ZNF708: variants seen among roughly 807,000 people sequenced by gnomAD.
The protein encoded by ZNF708 is ZNF15, ZNF15L1.
Under a neutral mutation model 47.0 loss-of-function variants are expected in ZNF708, and 44 were observed. The ratio of observed to expected loss-of-function variants is 0.94; its 90% CI spans 0.74 to 1.20. The LOEUF is 1.20. ZNF708 is among the 50% of genes most tolerant of loss of function. The probability of loss-of-function intolerance (pLI) is 0.00; values close to 1 mark genes in which losing one functional copy is unlikely to be tolerated. For synonymous variants in ZNF708, 184 were observed against 218.5 expected (o/e 0.84, Z 1.39); for missense variants, 557 against 656.0 (o/e 0.85, Z 1.65).
At chr19:21,327,678 G>A (rs1265235357) in intron 1 of ZNF708, among the ~76,000 whole-genome samples, 1 of 151,952 alleles carries the variant, frequency 6.6e-6, no homozygotes, top group African/African-American at 2.4e-5. Context: ...GTAAGTTCTT[G>A]CACCATCTCA....
intron 1 of ZNF708, among the ~76,000 whole-genome samples, chr19:21,322,749 G>C (rs1973178737): frequency 6.6e-6 from 1 of 152,114 alleles, no homozygotes; most frequent in Non-Finnish European, 1.5e-5. Flanking sequence ...TCAGGCCCCC[G>C]TATCTTTTTT....
At chr19:21,308,205 A>G (rs976596695) in intron 3 of ZNF708, among the ~76,000 whole-genome samples, 3 of 152,046 alleles carry the variant, frequency 2.0e-5, no homozygotes, top group African/African-American at 7.2e-5. Flanking sequence ...GAAACTCCCT[A>G]CCAAAATTCT....
In ZNF708 at chr19:21,294,239, T is replaced by C. The variant is rs902658118; in HGVS notation, c.727A>G (p.Lys243Glu). Residue 243 changes from lysine to glutamate, a missense_variant, in exon 4 of 4, where the codon AAG becomes GAG. Physicochemically the swap from Lys to Glu is moderately conservative, Grantham distance 56. Coordinates refer to ENST00000356929, the MANE Select transcript of ZNF708 (RefSeq NM_021269.3). ...FNQSSTLTRH[K>E]IIHTGEKLYK... is the part of the protein sequence containing the mutation. ...AGTTTCTCTCCAGTATGAATTATCTTATGTCTAGTAAGAGTTGAGGACTGG... is the reference window on the plus strand; with the variant it reads ...AGTTTCTCTCCAGTATGAATTATCTCATGTCTAGTAAGAGTTGAGGACTGG... 6.2e-7 allele frequency: 1 copy of C among 1,612,824 alleles called. No homozygotes were observed. The highest frequency in any genetic ancestry group is 8.5e-7 in the Non-Finnish European group (1 of 1,179,900).
At chr19:21,325,502 T>C (rs1397992753) in intron 1 of ZNF708, among the ~76,000 whole-genome samples, 1 of 152,230 alleles carries the variant, frequency 6.6e-6, no homozygotes, top group Non-Finnish European at 1.5e-5. Context: ...CTGGGATAAT[T>C]GGCTAGCCAT....
In ZNF708 at chr19:21,305,831, T is replaced by C. The variant is rs536882929; in HGVS notation, c.226+3415A>G. Among the ~76,000 whole-genome samples the C allele has an allele frequency of 3.9e-5, 6 of 152,272 alleles. No homozygotes were observed. In the East Asian group the frequency reaches 1.2e-3, roughly 29 times the overall value. ...AAAAGAACAAAGAGGCATTATACTT[T>C]CTGATTTCAAAACATATTAAAAGCT... On this transcript the variant is annotated intron_variant, in intron 3 of 3. Transcript: ENST00000356929.
At chr19:21,315,039 A>G (rs1376780144) in intron 1 of ZNF708, among the ~76,000 whole-genome samples, 1 of 152,178 alleles carries the variant, frequency 6.6e-6, no homozygotes, top group East Asian at 1.9e-4. Context: ...GGATAGAAGG[A>G]AGGACAAGAA....
chr19:21,300,918 C>T (rs1000379690), intron 3 of ZNF708, among the ~76,000 whole-genome samples: 67 of 152,068 alleles, frequency 4.4e-4, no homozygotes, highest in African/African-American at 1.5e-3. Context: ...CCTCGGCCTC[C>T]CAGAATGCTT....
At position 21,294,496 on chromosome 19, in the gene ZNF708, C is replaced by G. The variant is rs984901370; in HGVS notation, c.470G>C (p.Arg157Thr). The G allele has an allele frequency of 2.5e-6, 4 of 1,613,850 alleles. No individual in the cohort carries two copies. In the African/African-American group the frequency reaches 5.3e-5, roughly 22 times the overall value. The change falls in exon 4 of 4, where the codon AGA (arginine) becomes ACA (threonine). Residue 157 changes from arginine to threonine, a missense_variant. Physicochemically the swap from Arg to Thr is moderately conservative, Grantham distance 71. Coordinates refer to ENST00000356929, the MANE Select transcript of ZNF708 (RefSeq NM_021269.3). ...KVFHKYSNAK[R>T]HKIRHTGKNP... is the part of the protein sequence containing the mutation. ...TTTTCCAGTATGTCTTATCTTATGT[C>G]TCTTTGCATTTGAATATTTATGAAA...
chr19:21,302,207 A>G (rs958265500), intron 3 of ZNF708, among the ~76,000 whole-genome samples: 3 of 152,196 alleles, frequency 2.0e-5, no homozygotes, highest in African/African-American at 7.2e-5. Context: ...GTAAATATAC[A>G]GACACATATA....
chr19:21,315,698 A>G lies in ZNF708; in HGVS notation c.4-5071T>C, dbSNP rs1023495813. On this transcript the variant is annotated intron_variant, in intron 1 of 3. Transcript: ENST00000356929. ...GGTTGATACAAAGTTGTCTGTCAAC[A>G]TTTTTTTATTTACAAAAATAAATTG... is the stretch of plus-strand genomic sequence containing the variant. Among the ~76,000 whole-genome samples the G allele has an allele frequency of 6.6e-5, 10 of 152,140 alleles. 1 individual carries two copies. The highest frequency in any genetic ancestry group is 6.6e-4 in the Admixed American group (10 of 15,262).
At chr19:21,300,502 G>A (rs1972636166) in intron 3 of ZNF708, among the ~76,000 whole-genome samples, 1 of 140,170 alleles carries the variant, frequency 7.1e-6, no homozygotes, top group Non-Finnish European at 1.5e-5. Flanking sequence ...ACGAAACTCT[G>A]TCTAAAAAAA....
intron 3 of ZNF708, among the ~76,000 whole-genome samples, chr19:21,304,472 A>G (rs961932847): frequency 1.3e-5 from 2 of 152,198 alleles, no homozygotes; most frequent in African/African-American, 4.8e-5. Flanking sequence ...CAACCATATC[A>G]TATCACCAAC....
In ZNF708 at chr19:21,328,136, C is replaced by A. The variant is rs1166752553; in HGVS notation, c.3+1074G>T. ...CTCCGTAAAGTTTCCAAAGAAAAAC[C>A]TTCACCTGAAAACAAACATTCTGAT... On this transcript the variant is annotated intron_variant, in intron 1 of 3. Transcript: ENST00000356929. 1.3e-5 allele frequency: 4 copies of A among 318,524 alleles called. No individual in the cohort carries two copies. In the East Asian group the frequency reaches 6.9e-4, roughly 55 times the overall value. The allele number at this position is 318,524 out of a possible 1,614,324, so 19.7% of individuals were successfully genotyped here. A position where few individuals can be genotyped will look rare whatever the true frequency, so the allele number is the denominator to read the frequency against.
At chr19:21,322,999 T>C (rs1055901789) in intron 1 of ZNF708, among the ~76,000 whole-genome samples, 3 of 151,812 alleles carry the variant, frequency 2.0e-5, no homozygotes, top group Admixed American at 6.6e-5. Context: ...AAGCTACTCA[T>C]AGAACTCAGC....
chr19:21,320,255 T>G (rs976000250), intron 1 of ZNF708, among the ~76,000 whole-genome samples: 3 of 152,126 alleles, frequency 2.0e-5, no homozygotes, highest in African/African-American at 7.2e-5. Flanking sequence ...CCTCATAACT[T>G]GGTATATACC....
chr19:21,307,066 AAT>A (rs1490791017), intron 3 of ZNF708: 9 of 146,866 alleles, frequency 6.1e-5, no homozygotes, highest in African/African-American at 2.2e-4. Flanking sequence ...TATAAAATAA[AAT>A]ATAAAATAAA....
Position 21,293,307 on chromosome 19 carries a change from A to T in ZNF708, c.1659T>A (p.Ile553=). 6.2e-7 allele frequency: 1 copy of T among 1,610,274 alleles called. No individual in the cohort carries two copies. The highest frequency in any genetic ancestry group is 8.5e-7 in the Non-Finnish European group (1 of 1,178,556). Residue 553 remains isoleucine (I), a synonymous_variant, in exon 4 of 4, where the codon ATT becomes ATA. Coordinates refer to ENST00000356929, the MANE Select transcript of ZNF708 (RefSeq NM_021269.3). ...ATTTGTAGGGTTTCTCTTTGGTATGAATTCTCTTATGTTTAGTAAGGTTTG... is the reference window on the plus strand; with the variant it reads ...ATTTGTAGGGTTTCTCTTTGGTATGTATTCTCTTATGTTTAGTAAGGTTTG... ...QSPNLTKHKR[I]HTKEKPYKCK is the part of the protein sequence containing the mutation.
intron 1 of ZNF708, among the ~76,000 whole-genome samples, chr19:21,327,721 A>AC (rs1236438187): frequency 6.6e-6 from 1 of 151,412 alleles, no homozygotes; most frequent in Admixed American, 6.6e-5. Context: ...CTTTTGGGAT[A>AC]CTTTTTTTTT....
chr19:21,303,951 T>C (rs1972709312), intron 3 of ZNF708, among the ~76,000 whole-genome samples: 1 of 152,064 alleles, frequency 6.6e-6, no homozygotes, highest in Non-Finnish European at 1.5e-5. Flanking sequence ...AGTGAAGAAA[T>C]ACTTAGCAAC....
Sources: allele counts gnomAD v4.1 joint callset (sites outside exome capture counted in the v4.1 genomes callset), GRCh38; gene constraint gnomAD v4.1.1; transcripts MANE v1.5; gene names NCBI Gene and HGNC (gene_info 2026-07-23, HGNC 2026-07-21).